KIF13A: variants seen among roughly 807,000 people sequenced by gnomAD.
KIF13A encodes kinesin family member 13A.
A neutral mutation model predicts 212.2 loss-of-function variants in KIF13A; 79 were observed. That is an observed-to-expected ratio of 0.37 (90% CI 0.31 to 0.45). The LOEUF is 0.45. Among genes scored for constraint, KIF13A ranks in the 20% least tolerant of loss-of-function variants. The probability of loss-of-function intolerance (pLI) is 1.00; values close to 1 mark genes in which losing one functional copy is unlikely to be tolerated. For synonymous variants in KIF13A, 789 were observed against 808.6 expected, an observed-to-expected ratio of 0.98 and a Z score of 0.41; for missense variants, 1,901 against 2,209.0, an observed-to-expected ratio of 0.86 and a Z score of 2.79.
chr6:17,812,551 T>C (rs954457302), intron 17 of KIF13A: 3 of 152,244 alleles, frequency 2.0e-5, no homozygotes, highest in African/African-American at 4.8e-5. Flanking sequence ...ATGGTGTACA[T>C]GTACCACGTT....
At position 17,899,267 on chromosome 6, in the gene KIF13A, T is replaced by C. The variant is rs753425726; in HGVS notation, c.147-1087A>G. Among the ~76,000 whole-genome samples the C allele has an allele frequency of 8.2e-4, 125 of 152,230 alleles. No homozygotes were observed. Among genetic ancestry groups the C allele is most frequent in the Non-Finnish European group, 1.2e-3 (83 of 68,030 alleles). On this transcript the variant is annotated intron_variant, in intron 2 of 38. Transcript: ENST00000259711. This position sits in a 1 kb window ranked among gnomAD's most constrained non-coding sequence, Gnocchi z 5.2. Reference sequence around the variant, plus strand: ...AGTTCTTGGCCTTCCTGATAGTTACTCTTGATCAACCTCTGATATCCTCAA... The same window carrying C: ...AGTTCTTGGCCTTCCTGATAGTTACCCTTGATCAACCTCTGATATCCTCAA...
chr6:17,891,204 G>A (rs1772022529), intron 3 of KIF13A, among the ~76,000 whole-genome samples: 1 of 152,080 alleles, frequency 6.6e-6, no homozygotes, highest in Non-Finnish European at 1.5e-5. Context: ...TACACAACTG[G>A]TAAAAGTACT....
chr6:17,814,913 C>T (rs868568813), intron 17 of KIF13A, among the ~76,000 whole-genome samples: 3 of 152,268 alleles, frequency 2.0e-5, no homozygotes, highest in Middle Eastern at 3.4e-3. Context: ...AATAAAGACA[C>T]AAGACAAAGA....
In KIF13A at chr6:17,898,089, C is replaced by T; in HGVS notation, c.159+79G>A. 7.5e-7 allele frequency: 1 copy of T among 1,339,906 alleles called. No homozygotes were observed. 83.0% of individuals were successfully genotyped at this position (1,339,906 alleles called of 1,614,324 possible). A position where few individuals can be genotyped will look rare whatever the true frequency, so the allele number is the denominator to read the frequency against. Reference sequence around the variant, plus strand: ...TTCAGTTCTCAATGAGACAGATGTTCTACATGGGTTACAGTGATAAATCCT... The same window carrying T: ...TTCAGTTCTCAATGAGACAGATGTTTTACATGGGTTACAGTGATAAATCCT... On this transcript the variant is annotated intron_variant, in intron 3 of 38. Coordinates refer to ENST00000259711, the MANE Select transcript of KIF13A (RefSeq NM_022113.6). The surrounding 1 kb of genome is among the most constrained non-coding windows in gnomAD (Gnocchi z 5.2).
At chr6:17,864,374 T>A (rs567902265) in intron 4 of KIF13A, among the ~76,000 whole-genome samples, 1 of 152,228 alleles carries the variant, frequency 6.6e-6, no homozygotes, top group East Asian at 1.9e-4. Context: ...AACACAGGCA[T>A]GCCCAAAGTA....
Position 17,818,072 on chromosome 6 carries a change from T to C in KIF13A, c.1787-839A>G, listed in dbSNP as rs141539342. Among the ~76,000 whole-genome samples, 330 of 152,330 alleles carry C rather than the reference T, an allele frequency of 2.2e-3. 1 individual carries two copies. The highest frequency in any genetic ancestry group is 7.6e-3 in the African/African-American group (314 of 41,578). ...CACATGTACAAAAGGAGAAAGTTAC[T>C]GACATCACTAAGTGAGGACAGTGTA... On this transcript the variant is annotated intron_variant, in intron 16 of 38. Coordinates refer to ENST00000259711, the MANE Select transcript of KIF13A (RefSeq NM_022113.6).
chr6:17,796,529 C>T (rs1017649441), intron 23 of KIF13A, 140 bp downstream of exon 23: 23 of 527,432 alleles, frequency 4.4e-5, no homozygotes, highest in African/African-American at 3.1e-4. Context: ...CATGAGCCAC[C>T]GCACCTGGCC....
At chr6:17,894,829 A>G (rs2150477039) in intron 3 of KIF13A, among the ~76,000 whole-genome samples, 1 of 152,006 alleles carries the variant, frequency 6.6e-6, no homozygotes, top group South Asian at 2.1e-4. Context: ...CCCTATCCCA[A>G]CTCCCTCTCT....
rs777668774 is a variant in KIF13A at position 17,817,222 on chromosome 6, T to C, written c.1798A>G (p.Asn600Asp). ...TGTTTCTCCAGGACCTGAACCACAT[T>C]TTGAACTGGGTCTAGTGAGCCAAGA... Reference protein sequence around the residue: ...KTLNSNDPVQNVVQVLEKQYL... With the variant: ...KTLNSNDPVQDVVQVLEKQYL... Residue 600 changes from asparagine (N) to aspartate (D), a missense_variant, in exon 17 of 39, where the codon AAT becomes GAT. By Grantham distance (23) the Asn-to-Asp change is conservative (BLOSUM62 1). Coordinates refer to ENST00000259711, the MANE Select transcript of KIF13A (RefSeq NM_022113.6). The C allele has an allele frequency of 6.2e-7, 1 of 1,614,026 alleles. No individual in the cohort carries two copies. The highest frequency in any genetic ancestry group is 1.1e-5 in the South Asian group (1 of 91,090).
chr6:17,980,942 A>C (rs1781014647), intron 2 of KIF13A, among the ~76,000 whole-genome samples: 1 of 152,190 alleles, frequency 6.6e-6, no homozygotes, highest in Non-Finnish European at 1.5e-5. Flanking sequence ...CATGTTATTC[A>C]GAAATACGGT....
intron 6 of KIF13A, among the ~76,000 whole-genome samples, chr6:17,853,694 C>T (rs143528567): frequency 4.1e-4 from 63 of 152,002 alleles, no homozygotes; most frequent in Middle Eastern, 3.4e-3. Flanking sequence ...AAATGAATCA[C>T]GGTGGGGGGA....
At chr6:17,774,991 C>A in intron 35 of KIF13A, 24 bp downstream of exon 35, 1 of 1,596,554 alleles carries the variant, frequency 6.3e-7, no homozygotes, top group Non-Finnish European at 8.6e-7. Context: ...TACTAAAAAC[C>A]TAGCCATGCC....
At chr6:17,958,876 C>CTTTTTT (rs398000716) in intron 2 of KIF13A, among the ~76,000 whole-genome samples, 900 of 82,982 alleles carry the variant, frequency 0.011, 3 homozygotes, top group Non-Finnish European at 0.013. Flanking sequence ...TTTTCTTTTT[C>CTTTTTT]TTTTTTTTTT....
intron 20 of KIF13A, among the ~76,000 whole-genome samples, chr6:17,800,703 C>T (rs1054674001): frequency 1.3e-5 from 2 of 151,670 alleles, no homozygotes; most frequent in African/African-American, 2.4e-5. Flanking sequence ...TGGGTTCAAG[C>T]GGTTCTTCTG....
Position 17,987,540 on chromosome 6 carries a change from TGCAGCCGCGCGCCCCTCGAGCGCGGCCG to T in KIF13A, c.-105_-78del. On this transcript the variant is annotated 5_prime_UTR_variant, in exon 1 of 39. The change abolishes the stop of an existing upstream ORF in the 5' untranslated region. Transcript: ENST00000259711. This position sits in a 1 kb window ranked among gnomAD's most constrained non-coding sequence, Gnocchi z 7.7. ...CCCTCACGCGCGGCGCCGCCGCCGCTGCAGCCGCGCGCCCCTCGAGCGCGGCCGCCGCCGCTCCGCCGTGAGCTCCGAG... is the reference window on the plus strand; with the variant it reads ...CCCTCACGCGCGGCGCCGCCGCCGCTCCGCCGCTCCGCCGTGAGCTCCGAG... 1 of 789,118 alleles carries T rather than the reference TGCAGCCGCGCGCCCCTCGAGCGCGGCCG, an allele frequency of 1.3e-6. No homozygotes were observed. Among genetic ancestry groups the T allele is most frequent in the Non-Finnish European group, 1.6e-6 (1 of 641,864 alleles). 48.9% of individuals were successfully genotyped at this position (789,118 alleles called of 1,614,324 possible). A position where few individuals can be genotyped will look rare whatever the true frequency, so the allele number is the denominator to read the frequency against.
In KIF13A at chr6:17,987,144, T is replaced by G. The variant is rs774552274; in HGVS notation, c.56A>C (p.Glu19Ala). ...CACGCACTTGGTGTTCAGTTCCAGT[T>G]CTGAAAGCAGAGAGAAAGGGACGTT... ...AVRVRPMNRR[E>A]LELNTKCVVE... The change falls in exon 2 of 39, where the codon GAA (glutamate) becomes GCA (alanine). Residue 19 changes from glutamate to alanine, a missense_variant and splice_region_variant. This residue lies in a region of KIF13A where 506 missense variants were observed against 637.4 expected (regional missense o/e 0.79). Transcript: ENST00000259711. The surrounding 1 kb of genome is among the most constrained non-coding windows in gnomAD (Gnocchi z 7.7). The G allele has an allele frequency of 6.2e-7, 1 of 1,610,590 alleles. No individual in the cohort carries two copies. Among genetic ancestry groups the G allele is most frequent in the Non-Finnish European group, 8.5e-7 (1 of 1,177,594 alleles).
intron 2 of KIF13A, chr6:17,950,433 A>G (rs1777751161): frequency 2.0e-6 from 2 of 979,526 alleles, no homozygotes; most frequent in South Asian, 4.7e-5. Flanking sequence ...TTATTAATGG[A>G]TTACCAAATA....
At chr6:17,840,767 T>C (rs979583060) in intron 9 of KIF13A, among the ~76,000 whole-genome samples, 4 of 152,188 alleles carry the variant, frequency 2.6e-5, no homozygotes, top group African/African-American at 9.7e-5. Context: ...TCAATGTCCA[T>C]CATATGTCTT....
In KIF13A at chr6:17,786,875, A is replaced by T. The variant is rs1365154600; in HGVS notation, c.3361+901T>A. On this transcript the variant is annotated intron_variant, in intron 27 of 38. Coordinates refer to ENST00000259711, the MANE Select transcript of KIF13A (RefSeq NM_022113.6). This position sits in a 1 kb window ranked among gnomAD's most constrained non-coding sequence, Gnocchi z 5.4. ...TACATGAAATGGATTAACATGCATG[A>T]TGTGTATGTTCTTTGCTGCAGAACC... Among the ~76,000 whole-genome samples, 1 of 152,152 alleles carries T rather than the reference A, an allele frequency of 6.6e-6. No homozygotes were observed. The highest frequency in any genetic ancestry group is 1.5e-5 in the Non-Finnish European group (1 of 68,020).
Sources: allele counts gnomAD v4.1 joint callset (sites outside exome capture counted in the v4.1 genomes callset), GRCh38; gene constraint gnomAD v4.1.1; regional missense constraint gnomAD v4.1.1; non-coding constraint Gnocchi (gnomAD v3.1); transcripts MANE v1.5; gene names NCBI Gene and HGNC (gene_info 2026-07-23, HGNC 2026-07-21).